Variants in RBBP8 observed in about 807,000 individuals in gnomAD.
RBBP8 encodes the protein RB binding protein 8, endonuclease, also known as DNA endonuclease RBBP8.
RBBP8 carries 88 observed loss-of-function variants against 108.3 expected under a neutral mutation model. The ratio of observed to expected loss-of-function variants is 0.81; its 90% CI spans 0.68 to 0.97. The LOEUF (loss-of-function observed/expected upper bound fraction) is 0.97. Ranked by LOEUF, RBBP8 falls within the 50% of genes least tolerant of loss-of-function variation. The probability of loss-of-function intolerance (pLI) is 0.00; values close to 1 mark genes in which losing one functional copy is unlikely to be tolerated. For synonymous variants in RBBP8, 332 were observed against 348.2 expected, an observed-to-expected ratio of 0.95 and a Z score of 0.52; for missense variants, 1,023 against 1,049.0, an observed-to-expected ratio of 0.98 and a Z score of 0.34.
chr18:22,995,499 A>G (rs778472862), intron 12 of RBBP8, among the ~76,000 whole-genome samples: 1 of 152,210 alleles, frequency 6.6e-6, no homozygotes, highest in Non-Finnish European at 1.5e-5. Context: ...GTGGTTTGGT[A>G]TACCCACAGA....
intron 2 of RBBP8, among the ~76,000 whole-genome samples, chr18:22,944,793 G>A (rs1911412098): frequency 6.6e-6 from 1 of 152,092 alleles, no homozygotes; most frequent in Non-Finnish European, 1.5e-5. Flanking sequence ...TTTTTCCACA[G>A]TATATGGATT....
intron 3 of RBBP8, among the ~76,000 whole-genome samples, chr18:22,923,003 T>C (rs1909657380): frequency 6.6e-6 from 1 of 152,172 alleles, no homozygotes; most frequent in South Asian, 2.1e-4. Context: ...ATTATAAATC[T>C]TTCACAATTT....
chr18:22,916,936 G>A (rs1408681510), intron 2 of RBBP8: 3 of 152,012 alleles, frequency 2.0e-5, no homozygotes, highest in African/African-American at 7.2e-5. Context: ...TTTAAATTTG[G>A]TTAGAACTGA....
At chr18:22,983,956 G>A (rs190687826) in intron 7 of RBBP8, among the ~76,000 whole-genome samples, 5 of 152,038 alleles carry the variant, frequency 3.3e-5, no homozygotes, top group East Asian at 3.9e-4. Flanking sequence ...TGGCACACGC[G>A]TGCAGTCCCA....
intron 5 of RBBP8, among the ~76,000 whole-genome samples, chr18:22,971,706 C>T (rs111919620): frequency 1.5e-5 from 2 of 134,358 alleles, no homozygotes; most frequent in Admixed American, 8.6e-5. Context: ...AGTGCAGTGG[C>T]GTCATCTCTG....
At chr18:22,988,778 A>G (rs1031023026) in intron 8 of RBBP8, among the ~76,000 whole-genome samples, 2 of 152,228 alleles carry the variant, frequency 1.3e-5, no homozygotes, top group African/African-American at 2.4e-5. Context: ...ACTAGAACAT[A>G]GGTGATTTAT....
intron 3 of RBBP8, 107 bp downstream of exon 3, chr18:22,946,593 A>G (rs1166740281): frequency 9.4e-6 from 14 of 1,491,550 alleles, no homozygotes; most frequent in Non-Finnish European, 1.3e-5. Flanking sequence ...TTTGACCTTA[A>G]TGTCTTATTT....
At position 22,990,967 on chromosome 18, in the gene RBBP8, G is replaced by A. The variant is rs769939850; in HGVS notation, c.838G>A (p.Asp280Asn). The change falls in exon 10 of 19, where the codon GAT becomes AAT. Residue 280 changes from aspartate (D) to asparagine (N), a missense_variant. Transcript: ENST00000327155. ...TCAAGGTCCCATGAGCCCCCTTGGT[G>A]ATGAGCTCTACCACTGTCTGGAAGG... Reference protein sequence around the residue: ...ETQGPMSPLGDELYHCLEGNH... With the variant: ...ETQGPMSPLGNELYHCLEGNH... The A allele has an allele frequency of 6.2e-7, 1 of 1,613,772 alleles. No individual in the cohort carries two copies. Among genetic ancestry groups the A allele is most frequent in the Non-Finnish European group, 8.5e-7 (1 of 1,179,758 alleles).
At chr18:22,963,719 G>A (rs746898041) in intron 4 of RBBP8, among the ~76,000 whole-genome samples, 4 of 151,928 alleles carry the variant, frequency 2.6e-5, no homozygotes, top group Non-Finnish European at 4.4e-5. Context: ...TTTCTGAGAC[G>A]GAGTGTATGA....
chr18:22,960,145 G>A (rs904860869), intron 4 of RBBP8, among the ~76,000 whole-genome samples: 3 of 151,782 alleles, frequency 2.0e-5, no homozygotes, highest in Admixed American at 6.6e-5. Flanking sequence ...CGCCCACCTC[G>A]GCCTCCCAAA....
chr18:23,025,345 CCTT>C (rs1233364406), intron 18 of RBBP8, among the ~76,000 whole-genome samples: 5 of 152,196 alleles, frequency 3.3e-5, no homozygotes. Context: ...GAGGGAGAGA[CCTT>C]CTTCACTTTT....
chr18:23,007,457 C>G (rs910768989), intron 16 of RBBP8, among the ~76,000 whole-genome samples: 1 of 151,780 alleles, frequency 6.6e-6, no homozygotes, highest in African/African-American at 2.4e-5. Flanking sequence ...GTAATCCCAG[C>G]ACTTTGGGAG....
At chr18:23,023,893 G>A (rs1406528142) in intron 18 of RBBP8, among the ~76,000 whole-genome samples, 2 of 20,906 alleles carry the variant, frequency 9.6e-5, no homozygotes, top group Non-Finnish European at 1.8e-4. Context: ...TTTTTTTTGA[G>A]ATGGAGTCTC....
chr18:22,946,632 G>A, intron 3 of RBBP8, 146 bp downstream of exon 3: 1 of 1,175,456 alleles, frequency 8.5e-7, no homozygotes, highest in Non-Finnish European at 1.1e-6. Flanking sequence ...ACTTAGTATG[G>A]GCCTTGGTAG....
chr18:22,958,370 T>C (rs1021359338), intron 4 of RBBP8, among the ~76,000 whole-genome samples: 1 of 152,270 alleles, frequency 6.6e-6, no homozygotes, highest in East Asian at 1.9e-4. Flanking sequence ...TTTTTTACTT[T>C]GTCCCCAATC....
At chr18:23,020,632 A>G (rs1227374891) in intron 17 of RBBP8, among the ~76,000 whole-genome samples, 1 of 151,438 alleles carries the variant, frequency 6.6e-6, no homozygotes, top group African/African-American at 2.4e-5. Context: ...AAGTTAAATC[A>G]TGTCATTCCC....
chr18:22,969,867 TA>T (rs1217689086), intron 5 of RBBP8, among the ~76,000 whole-genome samples: 1 of 152,312 alleles, frequency 6.6e-6, no homozygotes, highest in African/African-American at 2.4e-5. Flanking sequence ...CTGTGGTGTA[TA>T]TGGGTGAACG....
chr18:22,992,798 G>A lies in RBBP8; in HGVS notation c.971G>A (p.Arg324Gln), dbSNP rs376275807. ...KTPPQEELPT[R>Q]VSSPVFGATS... is the part of the protein sequence containing the mutation. ...CCTCCTCAAGAAGAATTACCTACTC[G>A]AGTGTCATCTCCTGTATTTGGAGCT... The change falls in exon 11 of 19, where the codon CGA becomes CAA. Residue 324 changes from arginine to glutamine, a missense_variant. Arg to Gln is a conservative substitution (Grantham distance 43). Transcript: ENST00000327155. 14 of 1,605,400 alleles carry A rather than the reference G, an allele frequency of 8.7e-6. No homozygotes were observed. Among genetic ancestry groups the A allele is most frequent in the East Asian group, 4.5e-5 (2 of 44,762 alleles).
At chr18:23,007,903 C>G (rs1272409605) in intron 16 of RBBP8, among the ~76,000 whole-genome samples, 2 of 151,402 alleles carry the variant, frequency 1.3e-5, no homozygotes, top group African/African-American at 2.4e-5. Context: ...ACCTCTGCCT[C>G]CTGGGTTCAA....
Sources: gnomAD v4.1 joint callset for allele counts (sites outside exome capture counted in the v4.1 genomes callset) on GRCh38, gnomAD v4.1.1 for gene constraint, MANE v1.5 for transcripts, NCBI Gene and HGNC (gene_info 2026-07-23, HGNC 2026-07-21) for gene names.